Variants in CSMD1 observed in about 807,000 individuals in gnomAD.
CSMD1 encodes the protein CUB and Sushi multiple domains 1, also known as CUB and sushi domain-containing protein 1.
In CSMD1, 213 loss-of-function variants were observed where a neutral mutation model predicts 417.5. That is an observed-to-expected ratio of 0.51 (90% CI 0.46 to 0.57). The LOEUF (loss-of-function observed/expected upper bound fraction) is 0.57, where lower values mean the gene tolerates loss of function less well. CSMD1 is among the 20% of genes least tolerant of loss of function. The pLI, the probability that CSMD1 is intolerant of heterozygous loss-of-function variation, is 0.00. For synonymous variants in CSMD1, 2,862 were observed against 1,736.8 expected (o/e 1.65, Z -16.11); for missense variants, 6,923 against 4,529.7 (o/e 1.53, Z -15.17).
At chr8:4,398,384 A>AT (rs1804401716) in intron 3 of CSMD1, among the ~76,000 whole-genome samples, 2 of 113,896 alleles carry the variant, frequency 1.8e-5, no homozygotes, top group African/African-American at 3.2e-5. Context: ...TCTTGCTGCA[A>AT]CTTCTTTTTT....
intron 10 of CSMD1, among the ~76,000 whole-genome samples, chr8:3,566,299 T>C (rs1333296674): frequency 6.6e-6 from 1 of 152,112 alleles, no homozygotes; most frequent in Non-Finnish European, 1.5e-5. Flanking sequence ...ACTTAGTATT[T>C]GGCAAATAAT....
chr8:4,274,976 G>C (rs1225488760), intron 3 of CSMD1, among the ~76,000 whole-genome samples: 3 of 152,174 alleles, frequency 2.0e-5, no homozygotes, highest in Non-Finnish European at 4.4e-5. Flanking sequence ...TAGCTGAGCA[G>C]AGTGTGTGGT....
At chr8:4,683,747 A>G (rs996216370) in intron 1 of CSMD1, among the ~76,000 whole-genome samples, 5 of 152,196 alleles carry the variant, frequency 3.3e-5, no homozygotes, top group Non-Finnish European at 7.3e-5. Flanking sequence ...ATTTTTGCAC[A>G]ATTAGCTCAG....
chr8:4,227,197 A>C (rs1801411498), intron 3 of CSMD1, among the ~76,000 whole-genome samples: 1 of 152,252 alleles, frequency 6.6e-6, no homozygotes, highest in African/African-American at 2.4e-5. Context: ...AGGGACGTTT[A>C]AGTCAAACTG....
chr8:4,167,255 A>G (rs1016526654), intron 3 of CSMD1, among the ~76,000 whole-genome samples: 1 of 152,186 alleles, frequency 6.6e-6, no homozygotes, highest in African/African-American at 2.4e-5. Flanking sequence ...GAAGGTGAGA[A>G]AAACAGTTTT....
At chr8:3,442,402 T>C (rs1815042275) in intron 12 of CSMD1, among the ~76,000 whole-genome samples, 1 of 152,196 alleles carries the variant, frequency 6.6e-6, no homozygotes, top group Non-Finnish European at 1.5e-5. Context: ...TCCTGCAAGC[T>C]CTATTCATGG....
chr8:2,967,135 T>C (rs536869923), intron 57 of CSMD1, among the ~76,000 whole-genome samples: 47 of 152,350 alleles, frequency 3.1e-4, no homozygotes, highest in African/African-American at 1.1e-3. Flanking sequence ...ATATCTATGA[T>C]ATTAGCAACA....
At chr8:3,423,842 T>G (rs1415809030) in intron 12 of CSMD1, among the ~76,000 whole-genome samples, 2 of 152,238 alleles carry the variant, frequency 1.3e-5, no homozygotes, top group African/African-American at 4.8e-5. Flanking sequence ...ACAACTGGGA[T>G]GGTGGAAGTC....
At chr8:3,556,969 A>C (rs1310190778) in intron 10 of CSMD1, among the ~76,000 whole-genome samples, 1 of 152,216 alleles carries the variant, frequency 6.6e-6, no homozygotes, top group Non-Finnish European at 1.5e-5. Flanking sequence ...TGCTAAGTCA[A>C]GCAGAACCCA....
At chr8:4,646,272 G>C (rs1391799816) in intron 1 of CSMD1, among the ~76,000 whole-genome samples, 1 of 151,966 alleles carries the variant, frequency 6.6e-6, no homozygotes, top group Non-Finnish European at 1.5e-5. Context: ...TGTATGTCAG[G>C]TATTTATTTA....
At chr8:4,255,705 G>A (rs1336480624) in intron 3 of CSMD1, among the ~76,000 whole-genome samples, 2 of 152,154 alleles carry the variant, frequency 1.3e-5, no homozygotes, top group African/African-American at 2.4e-5. Flanking sequence ...ATTATCTTAG[G>A]CACTGTGAGT....
At chr8:3,970,992 C>T (rs1201967847) in intron 5 of CSMD1, among the ~76,000 whole-genome samples, 2 of 152,106 alleles carry the variant, frequency 1.3e-5, no homozygotes, top group Admixed American at 6.5e-5. Flanking sequence ...CTCAGGTGAT[C>T]CCCCCGCCTC....
intron 2 of CSMD1, among the ~76,000 whole-genome samples, chr8:4,442,021 C>A (rs1282757485): frequency 1.3e-5 from 2 of 152,084 alleles, no homozygotes; most frequent in Admixed American, 1.3e-4. Context: ...TTCTATGTCC[C>A]CCCGCTTTTT....
At chr8:3,962,999 C>T (rs1316281315) in intron 5 of CSMD1, among the ~76,000 whole-genome samples, 1 of 152,116 alleles carries the variant, frequency 6.6e-6, no homozygotes, top group Non-Finnish European at 1.5e-5. Context: ...TGCGGTGGAG[C>T]AATCTCGGCT....
chr8:3,916,095 A>G (rs1808808099), intron 5 of CSMD1, among the ~76,000 whole-genome samples: 1 of 151,966 alleles, frequency 6.6e-6, no homozygotes, highest in African/African-American at 2.4e-5. Context: ...CTTTGACTCA[A>G]TGATTCTGTC....
intron 5 of CSMD1, among the ~76,000 whole-genome samples, chr8:3,846,523 T>G (rs909720542): frequency 6.6e-5 from 10 of 152,226 alleles, no homozygotes; most frequent in Non-Finnish European, 1.2e-4. Context: ...TTCACAGGAA[T>G]GGTGGGTGGA....
chr8:3,729,354 C>G (rs1480736190), intron 6 of CSMD1, among the ~76,000 whole-genome samples: 1 of 152,164 alleles, frequency 6.6e-6, no homozygotes, highest in Non-Finnish European at 1.5e-5. Context: ...CAGTCTAGCT[C>G]TGCCACCACT....
intron 12 of CSMD1, among the ~76,000 whole-genome samples, chr8:3,439,193 T>C (rs1393993681): frequency 3.7e-5 from 5 of 136,500 alleles, no homozygotes; most frequent in Admixed American, 1.5e-4. Context: ...TGCCAAACTG[T>C]TTAAAAATGT....
Position 2,949,313 on chromosome 8 carries a change from T to A in CSMD1, c.10388A>T (p.Lys3463Met). The change falls in exon 68 of 70, where the codon AAG becomes ATG. Residue 3463 changes from lysine to methionine, a missense_variant. Physicochemically the swap from Lys to Met is moderately conservative, Grantham distance 95. Coordinates refer to ENST00000635120, the MANE Select transcript of CSMD1 (RefSeq NM_033225.6). ...DIHGKDFGKF[K>M]LERQDPLNPD... is the part of the protein sequence containing the mutation. ...GTGCAACTTACCTTGCCTTTCTAGC[T>A]TAAATTTTCCAAAGTCTTTTCCATG... 1 of 1,602,858 alleles carries A rather than the reference T, an allele frequency of 6.2e-7. No individual in the cohort carries two copies. The highest frequency in any genetic ancestry group is 1.1e-5 in the South Asian group (1 of 90,566).
Sources: allele counts gnomAD v4.1 joint callset (sites outside exome capture counted in the v4.1 genomes callset), GRCh38; gene constraint gnomAD v4.1.1; transcripts MANE v1.5; gene names NCBI Gene and HGNC (gene_info 2026-07-23, HGNC 2026-07-21).